Variants in NKAIN2 observed in about 807,000 individuals in gnomAD.
NKAIN2 encodes sodium/potassium transporting ATPase interacting 2.
Under a neutral mutation model 32.6 loss-of-function variants are expected in NKAIN2, and 14 were observed. That is an observed-to-expected ratio of 0.43 (90% CI 0.28 to 0.67). NKAIN2 has a LOEUF of 0.67. Among genes scored for constraint, NKAIN2 ranks in the 30% least tolerant of loss-of-function variants. The pLI, the probability that NKAIN2 is intolerant of heterozygous loss-of-function variation, is 0.17. For synonymous variants in NKAIN2, 80 were observed against 87.2 expected (o/e 0.92, Z 0.46); for missense variants, 198 against 258.3 (o/e 0.77, Z 1.60).
At chr6:124,415,551 G>A (rs867812695) in intron 3 of NKAIN2, among the ~76,000 whole-genome samples, 1 of 152,126 alleles carries the variant, frequency 6.6e-6, no homozygotes, top group Non-Finnish European at 1.5e-5. Flanking sequence ...CATTATGTGG[G>A]CATGATTGAT....
intron 3 of NKAIN2, among the ~76,000 whole-genome samples, chr6:124,525,730 C>T (rs1290950031): frequency 2.0e-5 from 3 of 151,964 alleles, no homozygotes; most frequent in Non-Finnish European, 2.9e-5. Flanking sequence ...TATTAAATTA[C>T]ATATGTAGAA....
intron 5 of NKAIN2, among the ~76,000 whole-genome samples, chr6:124,809,145 A>G (rs980529487): frequency 4.0e-5 from 6 of 150,392 alleles, no homozygotes; most frequent in Non-Finnish European, 8.9e-5. Flanking sequence ...TAAAGTTCAC[A>G]TGGAACCAAA....
At chr6:124,815,317 C>T (rs1781114155) in intron 5 of NKAIN2, among the ~76,000 whole-genome samples, 1 of 144,862 alleles carries the variant, frequency 6.9e-6, no homozygotes, top group African/African-American at 2.5e-5. Flanking sequence ...TCCTGTCACC[C>T]AGCTGGAGTG....
chr6:123,972,101 A>T (rs1444476225), intron 1 of NKAIN2, among the ~76,000 whole-genome samples: 1 of 152,196 alleles, frequency 6.6e-6, no homozygotes. Flanking sequence ...TCTCTTTCTT[A>T]TGCTTCTCTT....
At chr6:124,604,568 G>C (rs1451406907) in intron 3 of NKAIN2, among the ~76,000 whole-genome samples, 1 of 151,372 alleles carries the variant, frequency 6.6e-6, no homozygotes, top group Non-Finnish European at 1.5e-5. Flanking sequence ...CTCTATGCTT[G>C]ATAATTCTTC....
intron 5 of NKAIN2, among the ~76,000 whole-genome samples, chr6:124,791,899 G>A (rs1486584176): frequency 6.6e-6 from 1 of 152,054 alleles, no homozygotes; most frequent in Non-Finnish European, 1.5e-5. Flanking sequence ...TGTCCTTTTT[G>A]TTCCTACTAT....
intron 3 of NKAIN2, among the ~76,000 whole-genome samples, chr6:124,441,758 A>G (rs1229410100): frequency 1.3e-5 from 2 of 152,048 alleles, no homozygotes; most frequent in Non-Finnish European, 2.9e-5. Flanking sequence ...GCCACTAGAG[A>G]TGGTTTTCTG....
chr6:124,583,704 A>T (rs1405234353), intron 3 of NKAIN2, among the ~76,000 whole-genome samples: 1 of 152,204 alleles, frequency 6.6e-6, no homozygotes. Flanking sequence ...AGAAAAAGGA[A>T]CAAAACTGGA....
intron 1 of NKAIN2, among the ~76,000 whole-genome samples, chr6:123,827,944 TA>T (rs980660514): frequency 1.1e-4 from 16 of 152,050 alleles, no homozygotes; most frequent in African/African-American, 3.9e-4. Flanking sequence ...TTGTCTGACT[TA>T]AAAGACTTTT....
intron 1 of NKAIN2, among the ~76,000 whole-genome samples, chr6:124,167,905 C>T (rs1582778541): frequency 6.6e-6 from 1 of 152,066 alleles, no homozygotes; most frequent in Non-Finnish European, 1.5e-5. Flanking sequence ...GAATTGAGCT[C>T]CTGAAACTTT....
chr6:124,382,747 T>C (rs565888994), intron 3 of NKAIN2, among the ~76,000 whole-genome samples: 3 of 152,336 alleles, frequency 2.0e-5, no homozygotes, highest in Non-Finnish European at 4.4e-5. Flanking sequence ...CTAACATTTA[T>C]TTTGTTACAG....
chr6:124,564,488 C>G (rs962401590), intron 3 of NKAIN2, among the ~76,000 whole-genome samples: 2 of 152,124 alleles, frequency 1.3e-5, no homozygotes, highest in Admixed American at 1.3e-4. Context: ...CTGGCCAACC[C>G]CCCCCTCCCC....
At chr6:123,939,307 G>T (rs563775369) in intron 1 of NKAIN2, among the ~76,000 whole-genome samples, 2 of 151,964 alleles carry the variant, frequency 1.3e-5, no homozygotes, top group Admixed American at 1.3e-4. Flanking sequence ...CCAAGTGTTA[G>T]TCTGCGCAGG....
chr6:123,914,583 C>A (rs1582770230), intron 1 of NKAIN2, among the ~76,000 whole-genome samples: 1 of 152,086 alleles, frequency 6.6e-6, no homozygotes, highest in Non-Finnish European at 1.5e-5. Flanking sequence ...AAGTTCTAAT[C>A]ATTCCCAGTT....
chr6:124,012,522 G>A (rs944637846), intron 1 of NKAIN2, among the ~76,000 whole-genome samples: 1 of 151,914 alleles, frequency 6.6e-6, no homozygotes, highest in African/African-American at 2.4e-5. Context: ...TTTTAGTAGA[G>A]ACGGGGTTTC....
intron 2 of NKAIN2, among the ~76,000 whole-genome samples, chr6:124,320,483 A>G (rs1447096411): frequency 1.3e-5 from 2 of 152,132 alleles, no homozygotes; most frequent in South Asian, 2.1e-4. Flanking sequence ...TTTTTTTCTA[A>G]CCTGAGAGAG....
At chr6:124,780,675 A>T (rs1199064113) in intron 4 of NKAIN2, among the ~76,000 whole-genome samples, 4 of 152,172 alleles carry the variant, frequency 2.6e-5, no homozygotes, top group Non-Finnish European at 5.9e-5. Context: ...AAAAAGAGTT[A>T]TCGTTTAGAT....
chr6:123,826,199 G>GTC (rs1774140180), intron 1 of NKAIN2, among the ~76,000 whole-genome samples: 2 of 152,048 alleles, frequency 1.3e-5, no homozygotes, highest in African/African-American at 2.4e-5. Flanking sequence ...AGAGAGATTT[G>GTC]TCAGATTTTT....
intron 1 of NKAIN2, among the ~76,000 whole-genome samples, chr6:124,256,887 T>G (rs1360023860): frequency 1.1e-5 from 1 of 94,478 alleles, no homozygotes; most frequent in Non-Finnish European, 1.9e-5. Flanking sequence ...TTTCTGTTGT[T>G]TTTTTTTTTT....
Sources: allele counts gnomAD v4.1 joint callset (sites outside exome capture counted in the v4.1 genomes callset), GRCh38; gene constraint gnomAD v4.1.1; transcripts MANE v1.5; gene names NCBI Gene and HGNC (gene_info 2026-07-23, HGNC 2026-07-21).